LOXHD1: variants seen among roughly 807,000 people sequenced by gnomAD.
The protein encoded by LOXHD1 is lipoxygenase homology domain-containing protein 1.
A neutral mutation model predicts 248.2 loss-of-function variants in LOXHD1; 205 were observed. The observed-to-expected ratio is 0.83, with a 90% CI of 0.74 to 0.93. The LOEUF is 0.93. LOXHD1 is among the 40% of genes least tolerant of loss of function. The pLI, the probability that LOXHD1 is intolerant of heterozygous loss-of-function variation, is 0.00. For missense variants in LOXHD1, 2,930 were observed against 2,971.6 expected (o/e 0.99, Z 0.33); for synonymous variants, 1,113 against 1,162.8 (o/e 0.96, Z 0.87).
intron 3 of LOXHD1, among the ~76,000 whole-genome samples, chr18:46,641,697 C>T (rs183113571): frequency 2.0e-5 from 3 of 152,192 alleles, no homozygotes; most frequent in Admixed American, 6.5e-5. Flanking sequence ...CTGCCCCTAA[C>T]CACTATGCTA....
intron 2 of LOXHD1, among the ~76,000 whole-genome samples, chr18:46,648,812 G>T (rs770666702): frequency 6.6e-6 from 1 of 152,212 alleles, no homozygotes; most frequent in Non-Finnish European, 1.5e-5. Context: ...CGATATCTGT[G>T]TGATGATATA....
chr18:46,579,585 G>T, intron 13 of LOXHD1, 45 bp downstream of exon 13: 2 of 1,550,862 alleles, frequency 1.3e-6, no homozygotes, highest in South Asian at 2.4e-5. Context: ...CATGGGAAGG[G>T]AACTGGGAGG....
chr18:46,560,075 C>T lies in LOXHD1; in HGVS notation c.3061+8G>A. On this transcript the variant is annotated splice_region_variant and intron_variant, in intron 19 of 40. Transcript: ENST00000642948. ...CCTCCCCACCCCCACCCCCCACGACCCACTTACGCTCAGGACCCGGCTTGC... is the reference window on the plus strand; with the variant it reads ...CCTCCCCACCCCCACCCCCCACGACTCACTTACGCTCAGGACCCGGCTTGC... The T allele has an allele frequency of 6.5e-7, 1 of 1,539,654 alleles. No individual in the cohort carries two copies. Among genetic ancestry groups the T allele is most frequent in the Non-Finnish European group, 8.8e-7 (1 of 1,137,544 alleles).
intron 40 of LOXHD1, 127 bp downstream of exon 40, chr18:46,483,460 T>C (rs1467935003): frequency 8.5e-7 from 1 of 1,181,708 alleles, no homozygotes; most frequent in Non-Finnish European, 1.2e-6. Context: ...CTAGGCCTCC[T>C]GAACAGGGTA....
intron 12 of LOXHD1, among the ~76,000 whole-genome samples, chr18:46,587,278 C>T (rs1372162310): frequency 6.6e-6 from 1 of 152,194 alleles, no homozygotes; most frequent in Non-Finnish European, 1.5e-5. Flanking sequence ...CAGCTGAGGA[C>T]TGAAGGTGGA....
intron 8 of LOXHD1, among the ~76,000 whole-genome samples, chr18:46,597,046 C>A (rs1216817977): frequency 6.6e-6 from 1 of 152,092 alleles, no homozygotes; most frequent in Non-Finnish European, 1.5e-5. Context: ...GTAGGTAAAT[C>A]TGAACAAGCA....
chr18:46,656,883 C>T, intron 1 of LOXHD1, 21 bp downstream of exon 1: 1 of 1,549,972 alleles, frequency 6.5e-7, no homozygotes, highest in Non-Finnish European at 8.7e-7. Flanking sequence ...CACCCGCCCC[C>T]CGCAGGCTGG....
In LOXHD1 at chr18:46,534,430, T is replaced by C; in HGVS notation, c.4117A>G (p.Ile1373Val). The C allele has an allele frequency of 2.6e-6, 4 of 1,551,706 alleles. No individual in the cohort carries two copies. The highest frequency in any genetic ancestry group is 2.6e-6 in the Non-Finnish European group (3 of 1,146,912). ...TTATGGCCAATCCGAATTTTTTCAA[T>C]GATTTCTCCCACATCTTCTAACTTT... ...IVELEDVGEI[I>V]EKIRIGHNNT... is the part of the protein sequence containing the mutation. The change falls in exon 27 of 41, where the codon ATT becomes GTT. Residue 1373 changes from isoleucine to valine, a missense_variant. Transcript: ENST00000642948.
intron 22 of LOXHD1, among the ~76,000 whole-genome samples, chr18:46,546,525 C>CTCCAT (rs1568168145): frequency 6.6e-6 from 1 of 151,442 alleles, no homozygotes; most frequent in Admixed American, 6.6e-5. Flanking sequence ...TTCCACTCTA[C>CTCCAT]TCCATTCCAT....
chr18:46,646,238 T>A (rs1343874694), intron 2 of LOXHD1, among the ~76,000 whole-genome samples: 1 of 152,104 alleles, frequency 6.6e-6, no homozygotes, highest in Non-Finnish European at 1.5e-5. Flanking sequence ...CTCAGCCAGA[T>A]CCCAGGATGG....
chr18:46,644,211 C>T (rs377054912), intron 2 of LOXHD1, among the ~76,000 whole-genome samples: 2 of 152,300 alleles, frequency 1.3e-5, no homozygotes, highest in East Asian at 3.9e-4. Context: ...GCTTCATCTT[C>T]TGATGGTGCC....
chr18:46,544,037 A>T (rs1008326622), intron 23 of LOXHD1, among the ~76,000 whole-genome samples: 2 of 152,220 alleles, frequency 1.3e-5, no homozygotes, highest in Non-Finnish European at 2.9e-5. Context: ...TCTCAGAGTC[A>T]TCGCTATGTC....
chr18:46,553,633 A>G (rs2037199039), intron 21 of LOXHD1, among the ~76,000 whole-genome samples: 1 of 152,250 alleles, frequency 6.6e-6, no homozygotes, highest in South Asian at 2.1e-4. Context: ...GCTGGGGTGG[A>G]CACAGCAGTA....
At chr18:46,487,649 T>G (rs189632591) in intron 38 of LOXHD1, among the ~76,000 whole-genome samples, 1 of 152,192 alleles carries the variant, frequency 6.6e-6, no homozygotes, top group African/African-American at 2.4e-5. Flanking sequence ...AGCAGGGAGA[T>G]GCTCTCTTCC....
chr18:46,587,596 T>A (rs900146947), intron 12 of LOXHD1, among the ~76,000 whole-genome samples: 19 of 152,312 alleles, frequency 1.2e-4, no homozygotes, highest in African/African-American at 4.3e-4. Context: ...ATAGTTATAT[T>A]GTTAGATACC....
chr18:46,506,156 G>A (rs887187978), intron 36 of LOXHD1, 133 bp from the exon 37 acceptor site: 19 of 907,480 alleles, frequency 2.1e-5, no homozygotes, highest in Non-Finnish European at 3.0e-5. Context: ...AAGAAGGCCA[G>A]GGGTGAGGTT....
chr18:46,557,786 A>G, intron 20 of LOXHD1: 1 of 1,117,126 alleles, frequency 9.0e-7, no homozygotes, highest in East Asian at 2.8e-5. Context: ...GGTTTGCTGG[A>G]TGCCCACATC....
intron 21 of LOXHD1, among the ~76,000 whole-genome samples, chr18:46,552,088 T>C (rs902108039): frequency 1.3e-5 from 2 of 152,262 alleles, no homozygotes; most frequent in East Asian, 3.9e-4. Context: ...ATGGGTATAG[T>C]TTCAGTCATG....
At chr18:46,549,354 T>G (rs200642709) in intron 21 of LOXHD1, among the ~76,000 whole-genome samples, 1 of 151,810 alleles carries the variant, frequency 6.6e-6, no homozygotes, top group East Asian at 1.9e-4. Context: ...AAAAATGGAA[T>G]GAGATTGCAA....
Sources: allele counts gnomAD v4.1 joint callset (sites outside exome capture counted in the v4.1 genomes callset), GRCh38; gene constraint gnomAD v4.1.1; transcripts MANE v1.5; gene names NCBI Gene and HGNC (gene_info 2026-07-23, HGNC 2026-07-21).